ANKRD27: variants seen among roughly 807,000 people sequenced by gnomAD.
ANKRD27 encodes ankyrin repeat domain 27.
Under a neutral mutation model 129.7 loss-of-function variants are expected in ANKRD27, and 112 were observed. The ratio of observed to expected loss-of-function variants is 0.86; its 90% CI spans 0.74 to 1.01. ANKRD27 has a LOEUF of 1.01. Ranked by LOEUF, ANKRD27 falls within the 50% of genes least tolerant of loss-of-function variation. The probability of loss-of-function intolerance (pLI) is 0.00; values close to 1 mark genes in which losing one functional copy is unlikely to be tolerated. For synonymous variants in ANKRD27, 516 were observed against 511.2 expected, an observed-to-expected ratio of 1.01 and a Z score of -0.13; for missense variants, 1,258 against 1,300.5, an observed-to-expected ratio of 0.97 and a Z score of 0.50.
chr19:32,626,810 C>T lies in ANKRD27; in HGVS notation c.1438G>A (p.Asp480Asn), dbSNP rs1306796926. 9 of 1,610,116 alleles carry T rather than the reference C, an allele frequency of 5.6e-6. No individual in the cohort carries two copies. Among genetic ancestry groups the T allele is most frequent in the African/African-American group, 5.3e-5 (4 of 74,796 alleles). The change falls in exon 16 of 29, where the codon GAC (aspartate) becomes AAC (asparagine). Residue 480 changes from aspartate (D) to asparagine (N), a missense_variant. Physicochemically the swap from Asp to Asn is conservative, Grantham distance 23. Coordinates refer to ENST00000306065, the MANE Select transcript of ANKRD27 (RefSeq NM_032139.3). ...ATGGCGCCCTTGGAAACCAGGAGGT[C>T]GATGAGGGATGCCTGCCCTGCAGAG... is the stretch of plus-strand genomic sequence containing the variant. ...AAVCGQASLIDLLVSKGAMVN... is the reference protein window; with the variant it reads ...AAVCGQASLINLLVSKGAMVN...
At position 32,643,428 on chromosome 19, in the gene ANKRD27, C is replaced by T. The variant is rs777772865; in HGVS notation, c.639+3G>A. 3 of 1,613,828 alleles carry T rather than the reference C, an allele frequency of 1.9e-6. No individual in the cohort carries two copies. The African/African-American group carries it at 4.0e-5, about 22-fold the overall frequency. On this transcript the variant is annotated splice_donor_region_variant and intron_variant, in intron 7 of 28. Transcript: ENST00000306065. ...CCTCCCAGCCACTCCGCCCCACCCT[C>T]ACCTCCACTGCCTGCTTCATCAGGT...
intron 23 of ANKRD27, among the ~76,000 whole-genome samples, chr19:32,606,549 G>C (rs74620605): frequency 2.8e-5 from 1 of 36,188 alleles, no homozygotes. Context: ...TGCTCTGTGC[G>C]GTTGAAGCGC....
At chr19:32,622,675 T>C (rs1490644059) in intron 17 of ANKRD27, 56 bp from the exon 18 acceptor site, 5 of 1,569,320 alleles carry the variant, frequency 3.2e-6, no homozygotes, top group Non-Finnish European at 4.4e-6. Flanking sequence ...CTCGACAAGG[T>C]CCGTGCTCTC....
chr19:32,622,765 C>A, intron 17 of ANKRD27, 146 bp from the exon 18 acceptor site: 2 of 676,030 alleles, frequency 3.0e-6, no homozygotes, highest in Non-Finnish European at 5.0e-6. Context: ...ACACCTCATT[C>A]TCATTCATTT....
chr19:32,606,056 AAAC>A (rs1971730063), intron 23 of ANKRD27, 102 bp from the exon 24 acceptor site: 2 of 1,125,308 alleles, frequency 1.8e-6, no homozygotes, highest in Non-Finnish European at 2.4e-6. Context: ...TAAAATAAGA[AAAC>A]AAAGTTTCTG....
At chr19:32,623,125 C>A (rs1217356770) in intron 17 of ANKRD27, among the ~76,000 whole-genome samples, 3 of 151,876 alleles carry the variant, frequency 2.0e-5, no homozygotes, top group Admixed American at 1.3e-4. Context: ...GATGAAACTG[C>A]CAATCAATAA....
At chr19:32,666,770 C>T (rs1776139951) in intron 1 of ANKRD27, among the ~76,000 whole-genome samples, 1 of 151,752 alleles carries the variant, frequency 6.6e-6, no homozygotes. Context: ...CCTCAGCCTC[C>T]CTCGTAGCTG....
chr19:32,641,743 T>C (rs1967203439), intron 10 of ANKRD27, among the ~76,000 whole-genome samples: 1 of 151,368 alleles, frequency 6.6e-6, no homozygotes, highest in African/African-American at 2.4e-5. Context: ...TGACTTTTTC[T>C]TGACTTGTTT....
chr19:32,616,643 T>C (rs554324248), intron 21 of ANKRD27, among the ~76,000 whole-genome samples: 1 of 151,990 alleles, frequency 6.6e-6, no homozygotes, highest in African/African-American at 2.4e-5. Context: ...AGGAAGGCTG[T>C]CTCCAATGTC....
intron 1 of ANKRD27, among the ~76,000 whole-genome samples, chr19:32,667,217 T>C (rs1967776898): frequency 6.6e-6 from 1 of 152,246 alleles, no homozygotes; most frequent in Non-Finnish European, 1.5e-5. Flanking sequence ...AGCTCCTAGG[T>C]AACATGCTGC....
At chr19:32,640,526 C>A (rs1967179070) in intron 10 of ANKRD27, 141 bp from the exon 11 acceptor site, 1 of 706,490 alleles carries the variant, frequency 1.4e-6, no homozygotes, top group Non-Finnish European at 2.5e-6. Context: ...ATTGCACAAG[C>A]TCCTTTACAG....
In ANKRD27 at chr19:32,649,889, C is replaced by A. The variant is rs577344352; in HGVS notation, c.103-97G>T. The A allele has an allele frequency of 5.0e-6, 4 of 807,186 alleles. No homozygotes were observed. In the African/African-American group the frequency reaches 6.7e-5, roughly 14 times the overall value. The allele number at this position is 807,186 out of a possible 1,614,324, so 50.0% of individuals were successfully genotyped here. ...AAAGGCGCTCCAGCTGGACACACAG[C>A]GGGACCTGCTGGCAGAGAGAACGCC... is the stretch of plus-strand genomic sequence containing the variant. On this transcript the variant is annotated intron_variant, in intron 2 of 28. Transcript: ENST00000306065.
At chr19:32,661,217 TTATA>T (rs1484328663) in intron 1 of ANKRD27, among the ~76,000 whole-genome samples, 1 of 87,370 alleles carries the variant, frequency 1.1e-5, no homozygotes, top group African/African-American at 3.5e-5. Flanking sequence ...AAAAAAAAAA[TTATA>T]CACACACACA....
chr19:32,633,104 T>C (rs1967027558), intron 12 of ANKRD27, among the ~76,000 whole-genome samples: 1 of 152,134 alleles, frequency 6.6e-6, no homozygotes, highest in African/African-American at 2.4e-5. Context: ...CAGCACTCTT[T>C]CCGCAACTCT....
intron 12 of ANKRD27, chr19:32,638,908 G>A (rs1355465859): frequency 1.3e-5 from 3 of 222,832 alleles, no homozygotes; most frequent in East Asian, 1.9e-4. Flanking sequence ...CAAGCCGAGC[G>A]CAGCCTGCCA....
intron 2 of ANKRD27, among the ~76,000 whole-genome samples, chr19:32,658,039 G>C (rs1035610694): frequency 6.6e-6 from 1 of 152,124 alleles, no homozygotes; most frequent in African/African-American, 2.4e-5. Flanking sequence ...AGAGGCCGCT[G>C]AGAACCTGAA....
At chr19:32,660,871 T>C (rs1285965485) in intron 1 of ANKRD27, among the ~76,000 whole-genome samples, 1 of 152,160 alleles carries the variant, frequency 6.6e-6, no homozygotes, top group Non-Finnish European at 1.5e-5. Flanking sequence ...GGCCTTTTTC[T>C]TAGGATTTAT....
intron 18 of ANKRD27, among the ~76,000 whole-genome samples, chr19:32,619,837 A>C (rs1971981762): frequency 6.6e-6 from 1 of 152,150 alleles, no homozygotes; most frequent in Admixed American, 6.5e-5. Flanking sequence ...CGCAAGGGAT[A>C]AGAGAAGCCA....
Position 32,642,053 on chromosome 19 carries a change from T to G in ANKRD27, c.875A>C (p.Gln292Pro). ...QKLVCLRKVV[Q>P]LITQSPSQRV... ...CTGGCTTGGAGACTGTGTAATGAGC[T>G]GCACCACTTTTCGCAAGCAGACAAG... Residue 292 changes from glutamine to proline, a missense_variant, in exon 10 of 29, where the codon CAG becomes CCG. Gln to Pro is a moderately conservative substitution (Grantham distance 76, BLOSUM62 -1). Coordinates refer to ENST00000306065, the MANE Select transcript of ANKRD27 (RefSeq NM_032139.3). 2 of 1,610,962 alleles carry G rather than the reference T, an allele frequency of 1.2e-6. No individual in the cohort carries two copies. The highest frequency in any genetic ancestry group is 1.7e-6 in the Non-Finnish European group (2 of 1,177,772).
Sources: allele counts gnomAD v4.1 joint callset (sites outside exome capture counted in the v4.1 genomes callset), GRCh38; gene constraint gnomAD v4.1.1; transcripts MANE v1.5; gene names NCBI Gene and HGNC (gene_info 2026-07-23, HGNC 2026-07-21).